CSRNP2: variants seen among roughly 807,000 people sequenced by gnomAD.
CSRNP2 encodes the protein cysteine/serine-rich nuclear protein 2.
Under a neutral mutation model 36.6 loss-of-function variants are expected in CSRNP2, and 11 were observed. That is an observed-to-expected ratio of 0.30 (90% CI 0.19 to 0.50). The LOEUF is 0.50. Among genes scored for constraint, CSRNP2 ranks in the 20% least tolerant of loss-of-function variants. The pLI is 0.98. For missense variants in CSRNP2, 483 were observed against 691.4 expected (o/e 0.70, Z 3.38); for synonymous variants, 248 against 275.3 (o/e 0.90, Z 0.98).
At position 51,072,562 on chromosome 12, in the gene CSRNP2, C is replaced by CAAAA. The variant is rs71089741; in HGVS notation, c.411+1257_411+1260dup. On this transcript the variant is annotated intron_variant, in intron 3 of 4. Coordinates refer to ENST00000228515, the MANE Select transcript of CSRNP2 (RefSeq NM_030809.3). ...TGGGCAACAGAGCTAGGCTCCGTCT[C>CAAAA]AAAAAAAAAAAAAAAAAAAAAAAAA... 9.6e-4 allele frequency among the ~76,000 whole-genome samples: 64 copies of CAAAA among 66,916 alleles called. 3 individuals carry two copies. The highest frequency in any genetic ancestry group is 8.7e-3 in the East Asian group (13 of 1,496). 43.9% of individuals were successfully genotyped at this position (66,916 alleles called of 152,430 possible). A position where few individuals can be genotyped will look rare whatever the true frequency, so the allele number is the denominator to read the frequency against.
chr12:51,063,828 C>T lies in CSRNP2; in HGVS notation c.1550G>A (p.Gly517Asp). 6.2e-7 allele frequency: 1 copy of T among 1,613,438 alleles called. No individual in the cohort carries two copies. The highest frequency in any genetic ancestry group is 8.5e-7 in the Non-Finnish European group (1 of 1,179,656). The change falls in exon 5 of 5, where the codon GGC (glycine) becomes GAC (aspartate). Residue 517 changes from glycine to aspartate, a missense_variant. Coordinates refer to ENST00000228515, the MANE Select transcript of CSRNP2 (RefSeq NM_030809.3). ...CTGGGAGGTCTTCACCATCCCACAG[C>T]CCTCTTCATTGTCCGTGCGGAAGGG... ...SLPFRTDNEE[G>D]CGMVKTSQQN... is the part of the protein sequence containing the mutation.
intron 1 of CSRNP2, chr12:51,082,677 T>G (rs138382482): frequency 6.6e-6 from 1 of 152,188 alleles, no homozygotes; most frequent in Non-Finnish European, 1.5e-5. Flanking sequence ...CGGGTGGCAG[T>G]TGGCTGCGTA....
chr12:51,080,072 CAAAAAAAAAAAAA>C lies in CSRNP2; in HGVS notation c.-87+3254_-87+3266del, dbSNP rs1173559322. Among the ~76,000 whole-genome samples, 7 of 54,988 alleles carry C rather than the reference CAAAAAAAAAAAAA, an allele frequency of 1.3e-4. 1 individual carries two copies. Among genetic ancestry groups the C allele is most frequent in the African/African-American group, 2.9e-4 (4 of 13,948 alleles). 36.1% of individuals were successfully genotyped at this position (54,988 alleles called of 152,430 possible). A position where few individuals can be genotyped will look rare whatever the true frequency, so the allele number is the denominator to read the frequency against. ...TGGGCGGCAGAGTAAGACTCTGTCTCAAAAAAAAAAAAAAAAAAAAAAAAAAAGAGGGAGGGAG... is the reference window on the plus strand; with the variant it reads ...TGGGCGGCAGAGTAAGACTCTGTCTCAAAAAAAAAAAAAAGAGGGAGGGAG... On this transcript the variant is annotated intron_variant, in intron 1 of 4. Transcript: ENST00000228515.
chr12:51,068,412 A>C (rs967342733), intron 3 of CSRNP2, among the ~76,000 whole-genome samples: 2 of 152,194 alleles, frequency 1.3e-5, no homozygotes, highest in African/African-American at 4.8e-5. Flanking sequence ...TCGGCCTCCC[A>C]AAGTGCTGGG....
intron 1 of CSRNP2, among the ~76,000 whole-genome samples, chr12:51,078,457 T>A (rs1939485483): frequency 6.6e-6 from 1 of 152,158 alleles, no homozygotes; most frequent in Non-Finnish European, 1.5e-5. Flanking sequence ...GAGCCCAAAG[T>A]ATCAGTTTAG....
At position 51,076,635 on chromosome 12, in the gene CSRNP2, G is replaced by C. The variant is rs1266973182; in HGVS notation, c.-74C>G. ...CCCCTACTCACCACCAGCTAGCCAG[G>C]TACATTAGGATTCTGCCCAGGGAAA... On this transcript the variant is annotated 5_prime_UTR_variant, in exon 2 of 5. An upstream open reading frame in the 5' UTR gains an earlier in-frame stop. Coordinates refer to ENST00000228515, the MANE Select transcript of CSRNP2 (RefSeq NM_030809.3). 3.2e-6 allele frequency: 5 copies of C among 1,558,174 alleles called. No individual in the cohort carries two copies. The highest frequency in any genetic ancestry group is 4.4e-6 in the Non-Finnish European group (5 of 1,134,232).
At chr12:51,074,315 C>A (rs992543674) in intron 2 of CSRNP2, among the ~76,000 whole-genome samples, 24 of 152,088 alleles carry the variant, frequency 1.6e-4, no homozygotes, top group African/African-American at 5.6e-4. Context: ...TGGGGTTTCG[C>A]CATGTTGACT....
In CSRNP2 at chr12:51,061,337, ACTAC is replaced by A. The variant is rs953105589; in HGVS notation, c.*2405_*2408del. 14 of 152,792 alleles carry A rather than the reference ACTAC, an allele frequency of 9.2e-5. No individual in the cohort carries two copies. The highest frequency in any genetic ancestry group is 3.1e-4 in the African/African-American group (13 of 41,590). 9.5% of individuals were successfully genotyped at this position (152,792 alleles called of 1,614,324 possible). A position where few individuals can be genotyped will look rare whatever the true frequency, so the allele number is the denominator to read the frequency against. On this transcript the variant is annotated 3_prime_UTR_variant, in exon 5 of 5. Coordinates refer to ENST00000228515, the MANE Select transcript of CSRNP2 (RefSeq NM_030809.3). ...CAAGCTTTGGATTCACATTGAAAAT[ACTAC>A]CTGTGTACAGTATGTGAGAAAGGAA... is the stretch of plus-strand genomic sequence containing the variant.
intron 2 of CSRNP2, 78 bp downstream of exon 2, chr12:51,076,333 C>CA: frequency 6.6e-7 from 1 of 1,504,236 alleles, no homozygotes; most frequent in Non-Finnish European, 9.1e-7. Flanking sequence ...CCAAGCCACA[C>CA]AGACGCTGTC....
chr12:51,073,874 C>G lies in CSRNP2; in HGVS notation c.360G>C (p.Glu120Asp). The change falls in exon 3 of 5, where the codon GAG (glutamate) becomes GAC (aspartate). Residue 120 changes from glutamate to aspartate, a missense_variant. Transcript: ENST00000228515. ...FAQEQEVNHR[E>D]ILREHLKEEK... ...CTTCCTTCAGGTGCTCACGCAGAATCTCTCGATGGTTCACCTCCTGTTCCT... is the reference window on the plus strand; with the variant it reads ...CTTCCTTCAGGTGCTCACGCAGAATGTCTCGATGGTTCACCTCCTGTTCCT... The G allele has an allele frequency of 6.2e-7, 1 of 1,614,134 alleles. No individual in the cohort carries two copies. The highest frequency in any genetic ancestry group is 2.2e-5 in the East Asian group (1 of 44,880).
intron 1 of CSRNP2, among the ~76,000 whole-genome samples, chr12:51,081,820 AC>A (rs869123888): frequency 1.7e-3 from 15 of 8,802 alleles, no homozygotes; most frequent in South Asian, 4.5e-3. Context: ...AACCACCAAA[AC>A]AAACAAACAA....
At position 51,062,246 on chromosome 12, in the gene CSRNP2, G is replaced by T. The variant is rs897570315; in HGVS notation, c.*1500C>A. The T allele has an allele frequency of 1.3e-5, 2 of 152,192 alleles. No individual in the cohort carries two copies. The highest frequency in any genetic ancestry group is 1.3e-4 in the Admixed American group (2 of 15,258). The allele number at this position is 152,192 out of a possible 1,614,324, so 9.4% of individuals were successfully genotyped here. A position where few individuals can be genotyped will look rare whatever the true frequency, so the allele number is the denominator to read the frequency against. The stretch of plus-strand genomic sequence containing the variant: ...AAGGCTTTATGAGCAAGATAAGTAG[G>T]AGTAGTGTCTCCCCCCCAACACAGT... On this transcript the variant is annotated 3_prime_UTR_variant, in exon 5 of 5. Transcript: ENST00000228515.
At chr12:51,082,641 A>G (rs943461382) in intron 1 of CSRNP2, 3 of 152,192 alleles carry the variant, frequency 2.0e-5, no homozygotes, top group African/African-American at 7.2e-5. Context: ...TAAAAGGATG[A>G]ATCAAGACCA....
intron 2 of CSRNP2, among the ~76,000 whole-genome samples, chr12:51,075,799 T>C (rs28435618): frequency 6.6e-6 from 1 of 152,104 alleles, no homozygotes; most frequent in Non-Finnish European, 1.5e-5. Flanking sequence ...CTGTAATCCC[T>C]GCACTTTGGG....
At chr12:51,066,794 G>C (rs1243063447) in intron 4 of CSRNP2, among the ~76,000 whole-genome samples, 1 of 152,160 alleles carries the variant, frequency 6.6e-6, no homozygotes, top group African/African-American at 2.4e-5. Context: ...TGAACAATAA[G>C]TGTTTGCAGA....
Position 51,067,987 on chromosome 12 carries a change from A to C in CSRNP2, c.412-18T>G. On this transcript the variant is annotated intron_variant, in intron 3 of 4. Transcript: ENST00000228515. The surrounding 1 kb of genome is among the most constrained non-coding windows in gnomAD (Gnocchi z 4.1). ...TTGGTCAGCTGCCAAGAGACAGGAA[A>C]GGTTAGCCTCATAGACATGAGCGGC... 6.2e-7 allele frequency: 1 copy of C among 1,609,408 alleles called. No homozygotes were observed. Among genetic ancestry groups the C allele is most frequent in the Non-Finnish European group, 8.5e-7 (1 of 1,176,692 alleles).
At position 51,083,585 on chromosome 12, in the gene CSRNP2, C is replaced by A. The variant is rs1472122972; in HGVS notation, c.-333G>T. The A allele has an allele frequency of 6.6e-6, 1 of 152,288 alleles. No homozygotes were observed. Among genetic ancestry groups the A allele is most frequent in the Non-Finnish European group, 1.5e-5 (1 of 68,078 alleles). 9.4% of individuals were successfully genotyped at this position (152,288 alleles called of 1,614,324 possible). A position where few individuals can be genotyped will look rare whatever the true frequency, so the allele number is the denominator to read the frequency against. On this transcript the variant is annotated 5_prime_UTR_variant, in exon 1 of 5. Transcript: ENST00000228515. ...GCAGACGCCCAGAACCGCCCCGGCT[C>A]CGGCTAACAATAGGATCCGGCCGCA...
rs181677041 is a variant in CSRNP2 at position 51,077,298 on chromosome 12, G to A, written c.-86-651C>T. 1.7e-3 allele frequency among the ~76,000 whole-genome samples: 266 copies of A among 152,184 alleles called. 2 individuals carry two copies. The highest frequency in any genetic ancestry group is 6.3e-3 in the African/African-American group (260 of 41,514). ...TACAGCCCGGCATTTCCCAAAGTGC[G>A]TGTCTTATGGTATTAATAGCTTTTA... On this transcript the variant is annotated intron_variant, in intron 1 of 4. Transcript: ENST00000228515.
chr12:51,070,585 A>G (rs752861106), intron 3 of CSRNP2, among the ~76,000 whole-genome samples: 2 of 152,254 alleles, frequency 1.3e-5, no homozygotes, highest in African/African-American at 2.4e-5. Context: ...TCTAGTTATT[A>G]AATCGTATTG....
Sources: gnomAD v4.1 joint callset for allele counts (sites outside exome capture counted in the v4.1 genomes callset) on GRCh38, gnomAD v4.1.1 for gene constraint, Gnocchi (gnomAD v3.1) non-coding constraint, MANE v1.5 for transcripts, NCBI Gene and HGNC (gene_info 2026-07-23, HGNC 2026-07-21) for gene names.